Variants in NHSL1 observed in about 807,000 individuals in gnomAD.
NHSL1 encodes NHS-like protein 1.
In NHSL1, 48 loss-of-function variants were observed where a neutral mutation model predicts 95.0. The ratio of observed to expected loss-of-function variants is 0.51; its 90% CI spans 0.40 to 0.64. The LOEUF is 0.64. Among genes scored for constraint, NHSL1 ranks in the 30% least tolerant of loss-of-function variants. The pLI, the probability that NHSL1 is intolerant of heterozygous loss-of-function variation, is 0.00. For missense variants in NHSL1, 1,971 were observed against 2,077.7 expected (o/e 0.95, Z 1.00); for synonymous variants, 783 against 833.9 (o/e 0.94, Z 1.05).
At chr6:138,512,288 C>A (rs1323892054) in intron 1 of NHSL1, 1 of 455,552 alleles carries the variant, frequency 2.2e-6, no homozygotes, top group Admixed American at 2.4e-5. Flanking sequence ...CCAACTGCAC[C>A]CCACGGGAAA....
In NHSL1 at chr6:138,486,272, T is replaced by C. The variant is rs185555813; in HGVS notation, c.211+9947A>G. Among the ~76,000 whole-genome samples, 171 of 152,320 alleles carry C rather than the reference T, an allele frequency of 1.1e-3. 1 individual carries two copies. Among genetic ancestry groups the C allele is most frequent in the African/African-American group, 3.7e-3 (152 of 41,576 alleles). ...CAAAATACTATCCCTTCCCTCTCTGTTCTGTTGGCATCATTCACTCACCTT... is the reference window on the plus strand; with the variant it reads ...CAAAATACTATCCCTTCCCTCTCTGCTCTGTTGGCATCATTCACTCACCTT... On this transcript the variant is annotated intron_variant, in intron 2 of 7. Coordinates refer to ENST00000343505, the MANE Select transcript of NHSL1 (RefSeq NM_001144060.2).
chr6:138,673,405 A>G (rs1372356774), intron 1 of NHSL1, among the ~76,000 whole-genome samples: 1 of 151,754 alleles, frequency 6.6e-6, no homozygotes, highest in Non-Finnish European at 1.5e-5. Flanking sequence ...TGACTAGAAC[A>G]GTTTCCCAGA....
chr6:138,592,640 A>C (rs868780259), intron 1 of NHSL1, among the ~76,000 whole-genome samples: 222 of 134,574 alleles, frequency 1.6e-3, no homozygotes, highest in African/African-American at 6.2e-3. Context: ...AAACAACAAC[A>C]AAAAAAACCC....
At chr6:138,575,187 C>T (rs1200737921), upstream of NHSL1, among the ~76,000 whole-genome samples, 2 of 152,178 alleles carry the variant, frequency 1.3e-5, no homozygotes, top group East Asian at 3.9e-4. Flanking sequence ...ACATGAGCCA[C>T]CGTGCCTGGT....
At chr6:138,448,076 C>T (rs1418465352) in intron 3 of NHSL1, among the ~76,000 whole-genome samples, 2 of 152,200 alleles carry the variant, frequency 1.3e-5, no homozygotes, top group African/African-American at 2.4e-5. Flanking sequence ...CAGAATTCTA[C>T]GAAAACATTT....
At chr6:138,578,342 A>G (rs887373467) in intron 1 of NHSL1, among the ~76,000 whole-genome samples, 11 of 152,230 alleles carry the variant, frequency 7.2e-5, no homozygotes, top group Non-Finnish European at 1.5e-4. Flanking sequence ...CAGTCCCCTA[A>G]GGTGCAAGGG....
intron 5 of NHSL1, among the ~76,000 whole-genome samples, chr6:138,436,700 G>A (rs1442725921): frequency 6.6e-6 from 1 of 152,236 alleles, no homozygotes; most frequent in Non-Finnish European, 1.5e-5. Flanking sequence ...AAAGCTACAA[G>A]AGGAGGAGTC....
upstream of NHSL1, among the ~76,000 whole-genome samples, chr6:138,548,014 C>T (rs760233973): frequency 6.6e-6 from 1 of 152,100 alleles, no homozygotes; most frequent in Admixed American, 6.5e-5. Flanking sequence ...CTAATGAGAC[C>T]GAGTCTCACT....
intron 1 of NHSL1, among the ~76,000 whole-genome samples, chr6:138,591,031 T>C (rs181853287): frequency 1.5e-3 from 224 of 152,282 alleles, no homozygotes; most frequent in African/African-American, 5.1e-3. Flanking sequence ...GGCAATCCTC[T>C]GGGAATCGCC....
At chr6:138,512,318 C>T (rs937631165) in intron 1 of NHSL1, 1 of 455,890 alleles carries the variant, frequency 2.2e-6, no homozygotes, top group Non-Finnish European at 4.4e-6. Context: ...GTCACAGACT[C>T]CAGACAATAT....
chr6:138,581,861 A>G (rs945734164), intron 1 of NHSL1, among the ~76,000 whole-genome samples: 2 of 150,836 alleles, frequency 1.3e-5, no homozygotes, highest in Non-Finnish European at 2.9e-5. Flanking sequence ...CTGAATGAGG[A>G]AAAAAAATTA....
intron 1 of NHSL1, among the ~76,000 whole-genome samples, chr6:138,562,732 A>T (rs1184296354): frequency 6.6e-6 from 1 of 152,122 alleles, no homozygotes; most frequent in African/African-American, 2.4e-5. Context: ...ATGTGCCTAT[A>T]TAATCCCTTC....
At chr6:138,546,899 C>G (rs2128328993), upstream of NHSL1, among the ~76,000 whole-genome samples, 1 of 152,278 alleles carries the variant, frequency 6.6e-6, no homozygotes, top group African/African-American at 2.4e-5. Flanking sequence ...TGATGAGAAA[C>G]AGTCCACAAA....
In NHSL1 at chr6:138,432,065, G is replaced by A. The variant is rs1374168679; in HGVS notation, c.2280C>T (p.Cys760=). 23 of 1,551,562 alleles carry A rather than the reference G, an allele frequency of 1.5e-5. No individual in the cohort carries two copies. The highest frequency in any genetic ancestry group is 2.4e-5 in the East Asian group (1 of 40,924). ...SATTPNVYSL[C]GATPSQSDTS... is the part of the protein sequence containing the mutation. ...TGTCACTCTGCGATGGCGTGGCCCC[G>A]CACAGGGAGTAGACATTGGGGGTGG... The change falls in exon 6 of 8, where the codon TGC becomes TGT. Residue 760 remains cysteine, a synonymous_variant. Coordinates refer to ENST00000343505, the MANE Select transcript of NHSL1 (RefSeq NM_001144060.2). This position sits in a 1 kb window ranked among gnomAD's most constrained non-coding sequence, Gnocchi z 4.4.
Position 138,431,595 on chromosome 6 carries a change from A to G in NHSL1, c.2750T>C (p.Met917Thr). ...SSTSTEGSGT[M>T]KKLDPAVGSP... ...GCCCACGGCTGGATCCAGCTTCTTC[A>G]TAGTGCCACTTCCTTCAGTAGAAGT... The change falls in exon 6 of 8, where the codon ATG becomes ACG. Residue 917 changes from methionine to threonine, a missense_variant. This residue lies in a region of NHSL1 where 1,602 missense variants were observed against 1,654.5 expected (regional missense o/e 0.97). Coordinates refer to ENST00000343505, the MANE Select transcript of NHSL1 (RefSeq NM_001144060.2). The surrounding 1 kb of genome is among the most constrained non-coding windows in gnomAD (Gnocchi z 4.0). The G allele has an allele frequency of 6.4e-7, 1 of 1,551,686 alleles. No individual in the cohort carries two copies.
At position 138,437,439 on chromosome 6, in the gene NHSL1, CACACACA is replaced by C. The variant is rs1259607136; in HGVS notation, c.665-3766_665-3760del. On this transcript the variant is annotated intron_variant, in intron 5 of 7. Transcript: ENST00000343505. ...ACACACACACACACACACACACACACACACACAAAAAAAAAAAAAAAAAATACAATGC... is the reference window on the plus strand; with the variant it reads ...ACACACACACACACACACACACACACAAAAAAAAAAAAAAAAATACAATGC... 8.9e-5 allele frequency among the ~76,000 whole-genome samples: 3 copies of C among 33,792 alleles called. 1 individual carries two copies. The highest frequency in any genetic ancestry group is 3.7e-4 in the African/African-American group (3 of 8,044). The allele number at this position is 33,792 out of a possible 152,430, so 22.2% of individuals were successfully genotyped here.
rs564664217 is a variant in NHSL1, at chr6:138,443,121, TAAAA to T, written c.533-1011_533-1008del. ...TTCTATCATTTTATGCATAAAAGTA[TAAAA>T]CATTCACTTTTAGCATTATTGACAC... On this transcript the variant is annotated intron_variant, in intron 4 of 7. Coordinates refer to ENST00000343505, the MANE Select transcript of NHSL1 (RefSeq NM_001144060.2). Among the ~76,000 whole-genome samples, 40 of 152,196 alleles carry T rather than the reference TAAAA, an allele frequency of 2.6e-4. No individual in the cohort carries two copies. The South Asian group carries it at 8.1e-3, about 31-fold the overall frequency.
chr6:138,656,958 C>T (rs1432546505), intron 1 of NHSL1, among the ~76,000 whole-genome samples: 1 of 152,188 alleles, frequency 6.6e-6, no homozygotes, highest in African/African-American at 2.4e-5. Flanking sequence ...TCTCCCTTCT[C>T]ATTCATATGT....
At chr6:138,636,026 G>C (rs1784883995) in intron 1 of NHSL1, among the ~76,000 whole-genome samples, 1 of 150,944 alleles carries the variant, frequency 6.6e-6, no homozygotes, top group Non-Finnish European at 1.5e-5. Context: ...AGGAGGCTGA[G>C]GCAGAACAAT....
Sources: gnomAD v4.1 joint callset for allele counts (sites outside exome capture counted in the v4.1 genomes callset) on GRCh38, gnomAD v4.1.1 for gene constraint, gnomAD v4.1.1 regional missense constraint, Gnocchi (gnomAD v3.1) non-coding constraint, MANE v1.5 for transcripts, NCBI Gene and HGNC (gene_info 2026-07-23, HGNC 2026-07-21) for gene names.